TRPM1: variants seen among roughly 807,000 people sequenced by gnomAD.
TRPM1 encodes the protein TRPM1-203 APA Isoform, Intron 10.
Under a neutral mutation model 149.4 loss-of-function variants are expected in TRPM1, and 113 were observed. That is an observed-to-expected ratio of 0.76 (90% CI 0.65 to 0.88). The LOEUF (loss-of-function observed/expected upper bound fraction) is 0.88, where lower values mean the gene tolerates loss of function less well. Among genes scored for constraint, TRPM1 ranks in the 40% least tolerant of loss-of-function variants. The pLI is 0.00. For synonymous variants in TRPM1, 741 were observed against 759.5 expected (o/e 0.98, Z 0.40); for missense variants, 1,976 against 2,038.7 (o/e 0.97, Z 0.59).
chr15:31,158,239 G>A (rs75787136), intron 1 of TRPM1, among the ~76,000 whole-genome samples: 2,396 of 152,170 alleles, frequency 0.016, 67 homozygotes, highest in African/African-American at 0.055. Flanking sequence ...ACAGGACAGG[G>A]GTCCAGATCC....
chr15:31,113,859 A>AGC lies in TRPM1; in HGVS notation c.55-36876_55-36875insGC, dbSNP rs2035757792. Among the ~76,000 whole-genome samples the AGC allele has an allele frequency of 4.6e-5, 7 of 151,758 alleles. No individual in the cohort carries two copies. The South Asian group carries it at 1.5e-3, about 32-fold the overall frequency. On this transcript the variant is annotated intron_variant, in intron 1 of 26. Transcript: ENST00000542188. ...AACAGCAAAACAACGACGCTCCCAC[A>AGC]CGCTGGAAGGGTACCGAGCAAATTG...
chr15:31,089,144 GC>G (rs1567046794), intron 1 of TRPM1, among the ~76,000 whole-genome samples: 2 of 152,146 alleles, frequency 1.3e-5, no homozygotes, highest in Non-Finnish European at 2.9e-5. Context: ...CTGAAGACAG[GC>G]TGCTGCTGTT....
At chr15:31,070,523 T>C in intron 3 of TRPM1, 3 of 628,076 alleles carry the variant, frequency 4.8e-6, no homozygotes, top group Non-Finnish European at 2.9e-6. Flanking sequence ...GTACTAAACA[T>C]TCTGTGACAA....
chr15:31,067,139 G>C lies in TRPM1; in HGVS notation c.542C>G (p.Ser181Cys), dbSNP rs1442721701. ...GDALKDHSSK[S>C]RGRVCAIGIA... Reference sequence around the variant, plus strand: ...TCCTATAGCACAAACCCGGCCTCTGGACTTGGAGGAGTGGTCTTTCAAGGC... The same window carrying C: ...TCCTATAGCACAAACCCGGCCTCTGCACTTGGAGGAGTGGTCTTTCAAGGC... The change falls in exon 6 of 28, where the codon TCC becomes TGC. Residue 181 changes from serine (S) to cysteine (C), a missense_variant. Ser to Cys is a moderately radical substitution (Grantham distance 112, BLOSUM62 -1). Around this residue, in one of 3 missense-constraint regions of TRPM1, gnomAD observed 1,332 missense variants for 1,347.1 expected, o/e 0.99. Transcript: ENST00000256552. The C allele has an allele frequency of 6.2e-7, 1 of 1,614,094 alleles. No individual in the cohort carries two copies. Among genetic ancestry groups the C allele is most frequent in the Non-Finnish European group, 8.5e-7 (1 of 1,180,016 alleles).
chr15:31,047,826 G>T, intron 14 of TRPM1, 63 bp downstream of exon 14: 1 of 1,330,522 alleles, frequency 7.5e-7, no homozygotes, highest in Non-Finnish European at 1.1e-6. Flanking sequence ...TTTAAAACTT[G>T]CTCTTAAGAA....
At chr15:31,137,531 G>A (rs533325520) in intron 1 of TRPM1, among the ~76,000 whole-genome samples, 1 of 152,268 alleles carries the variant, frequency 6.6e-6, no homozygotes, top group Non-Finnish European at 1.5e-5. Flanking sequence ...CTTGAATTAG[G>A]CAGGGAGAAT....
intron 1 of TRPM1, among the ~76,000 whole-genome samples, chr15:31,090,653 A>C (rs1596062735): frequency 6.6e-6 from 1 of 151,826 alleles, no homozygotes; most frequent in Non-Finnish European, 1.5e-5. Context: ...AAAAAAGAAA[A>C]AAAAAAAAGA....
At chr15:31,096,595 A>G (rs1389268318) in intron 1 of TRPM1, among the ~76,000 whole-genome samples, 1 of 152,184 alleles carries the variant, frequency 6.6e-6, no homozygotes, top group Non-Finnish European at 1.5e-5. Context: ...AGCTCCCCTC[A>G]TTGCCTGAGT....
intron 27 of TRPM1, among the ~76,000 whole-genome samples, chr15:31,023,571 T>C (rs574663816): frequency 6.6e-6 from 1 of 152,166 alleles, no homozygotes; most frequent in African/African-American, 2.4e-5. Flanking sequence ...CTAGGTGCGT[T>C]GGGGTAGGGA....
At chr15:31,127,589 A>G (rs542388529) in intron 1 of TRPM1, among the ~76,000 whole-genome samples, 5 of 152,180 alleles carry the variant, frequency 3.3e-5, no homozygotes, top group Non-Finnish European at 7.3e-5. Context: ...GTCGTTCTCA[A>G]ACCTTCACTA....
At chr15:31,006,754 C>T (rs1445204873) in intron 27 of TRPM1, among the ~76,000 whole-genome samples, 1 of 152,182 alleles carries the variant, frequency 6.6e-6, no homozygotes, top group Admixed American at 6.5e-5. Context: ...TATGCAAATT[C>T]CAGTTGCTCA....
intron 1 of TRPM1, among the ~76,000 whole-genome samples, chr15:31,143,638 C>G (rs1403596544): frequency 6.6e-6 from 1 of 152,116 alleles, no homozygotes; most frequent in Non-Finnish European, 1.5e-5. Flanking sequence ...GTCTTGTACT[C>G]CTGACCTCAA....
rs2140967414 is a variant in TRPM1 at position 31,070,242 on chromosome 15, A to T, written c.84-16T>A. 6.2e-7 allele frequency: 1 copy of T among 1,600,822 alleles called. No homozygotes were observed. The highest frequency in any genetic ancestry group is 8.5e-7 in the Non-Finnish European group (1 of 1,169,830). ...ACAGCAACACCTGAAAACAAAGGCAAAGCAGGGTCTTTCTACAACAATCTC... is the reference window on the plus strand; with the variant it reads ...ACAGCAACACCTGAAAACAAAGGCATAGCAGGGTCTTTCTACAACAATCTC... On this transcript the variant is annotated splice_polypyrimidine_tract_variant and intron_variant, in intron 3 of 27. Coordinates refer to ENST00000256552, the MANE Select transcript of TRPM1 (RefSeq NM_001252024.2).
intron 27 of TRPM1, among the ~76,000 whole-genome samples, chr15:31,016,960 C>G (rs184137072): frequency 9.6e-6 from 1 of 104,470 alleles, no homozygotes; most frequent in South Asian, 3.1e-4. Context: ...CAAAACCTGG[C>G]GTACACACAC....
chr15:31,007,756 C>A (rs1269045674), intron 27 of TRPM1, among the ~76,000 whole-genome samples: 4 of 152,242 alleles, frequency 2.6e-5, no homozygotes, highest in African/African-American at 9.6e-5. Flanking sequence ...GTTAAATCTA[C>A]AGATAAACTT....
chr15:31,025,542 G>A (rs2032694294), intron 27 of TRPM1, among the ~76,000 whole-genome samples: 1 of 152,206 alleles, frequency 6.6e-6, no homozygotes, highest in Non-Finnish European at 1.5e-5. Flanking sequence ...AGATTAGGCT[G>A]ACCTTGCTGG....
At chr15:31,075,881 GT>G (rs201131359) in intron 3 of TRPM1, among the ~76,000 whole-genome samples, 4,247 of 142,842 alleles carry the variant, frequency 0.03, 175 homozygotes, top group African/African-American at 0.093. Flanking sequence ...TTTCATTCTA[GT>G]TTTTTTTTTT....
In TRPM1 at chr15:31,125,755, AATTAT is replaced by A. The variant is rs1567069720; in HGVS notation, c.54+35146_54+35150del. ...AAAAAAAAAAAAAAAAAAAAAAAAA[AATTAT>A]TAAAAAATTAAAATTAAAATGTGTA... On this transcript the variant is annotated intron_variant, in intron 1 of 26. Transcript: ENST00000542188. Among the ~76,000 whole-genome samples the A allele has an allele frequency of 2.4e-4, 24 of 100,654 alleles. 1 individual carries two copies. Among genetic ancestry groups the A allele is most frequent in the Middle Eastern group, 6.0e-3 (1 of 168 alleles). The allele number at this position is 100,654 out of a possible 152,430, so 66.0% of individuals were successfully genotyped here. A position where few individuals can be genotyped will look rare whatever the true frequency, so the allele number is the denominator to read the frequency against.
At chr15:31,156,026 G>C (rs897217303) in intron 1 of TRPM1, among the ~76,000 whole-genome samples, 1 of 151,438 alleles carries the variant, frequency 6.6e-6, no homozygotes, top group Non-Finnish European at 1.5e-5. Flanking sequence ...GTGAAACCCC[G>C]TCTCTACTAA....
Sources: gnomAD v4.1 joint callset for allele counts (sites outside exome capture counted in the v4.1 genomes callset) on GRCh38, gnomAD v4.1.1 for gene constraint, gnomAD v4.1.1 regional missense constraint, MANE v1.5 for transcripts, NCBI Gene and HGNC (gene_info 2026-07-23, HGNC 2026-07-21) for gene names.